The following UNC13C variants were observed in gnomAD, a reference collection of about 807,000 sequenced individuals.
UNC13C encodes the protein protein unc-13 homolog C.
A neutral mutation model predicts 245.4 loss-of-function variants in UNC13C; 174 were observed. The ratio of observed to expected loss-of-function variants is 0.71; its 90% CI spans 0.63 to 0.80. UNC13C has a LOEUF of 0.80. Ranked by LOEUF, UNC13C falls within the 30% of genes least tolerant of loss-of-function variation. The probability of loss-of-function intolerance (pLI) is 0.00; values close to 1 mark genes in which losing one functional copy is unlikely to be tolerated. For missense variants in UNC13C, 2,829 were observed against 2,602.9 expected (o/e 1.09, Z -1.89); for synonymous variants, 992 against 895.1 (o/e 1.11, Z -1.93).
At chr15:54,582,796 A>G (rs1396590469) in intron 30 of UNC13C, among the ~76,000 whole-genome samples, 2 of 152,154 alleles carry the variant, frequency 1.3e-5, no homozygotes, top group Non-Finnish European at 2.9e-5. Flanking sequence ...AAACAGGATA[A>G]TGGTTTTCAG....
At chr15:54,568,740 T>C (rs1897623011) in intron 30 of UNC13C, among the ~76,000 whole-genome samples, 1 of 152,162 alleles carries the variant, frequency 6.6e-6, no homozygotes, top group Admixed American at 6.6e-5. Flanking sequence ...CTAACTTCAT[T>C]CATGAAAGAT....
intron 19 of UNC13C, among the ~76,000 whole-genome samples, chr15:54,455,205 C>CCA (rs1555467351): frequency 3.2e-4 from 6 of 18,964 alleles, no homozygotes; most frequent in African/African-American, 1.1e-3. Flanking sequence ...CTCTCTCTCT[C>CCA]TATATATATA....
At chr15:54,084,159 C>A (rs1483106627) in intron 2 of UNC13C, among the ~76,000 whole-genome samples, 4 of 152,190 alleles carry the variant, frequency 2.6e-5, no homozygotes, top group Non-Finnish European at 5.9e-5. Flanking sequence ...TTTTCTGCAC[C>A]CCAGCTGTCC....
At chr15:54,432,862 A>T (rs2040900082) in intron 19 of UNC13C, among the ~76,000 whole-genome samples, 1 of 151,928 alleles carries the variant, frequency 6.6e-6, no homozygotes, top group Non-Finnish European at 1.5e-5. Context: ...ATGAATGAAG[A>T]AGAAAAGAGA....
At chr15:54,219,206 A>G (rs2035142207) in intron 4 of UNC13C, among the ~76,000 whole-genome samples, 1 of 151,994 alleles carries the variant, frequency 6.6e-6, no homozygotes, top group Non-Finnish European at 1.5e-5. Context: ...CTATACTACA[A>G]GGCTACAGTA....
At chr15:53,940,974 T>A in the UNC13C span, among the ~76,000 whole-genome samples, 74 of 152,268 alleles carry the variant, frequency 4.9e-4, no homozygotes, top group African/African-American at 1.7e-3. Flanking sequence ...AAAATTCATA[T>A]GGAATAAGAG....
chr15:54,002,538 A>G (rs571243022), intron 1 of UNC13C, among the ~76,000 whole-genome samples: 16 of 152,316 alleles, frequency 1.1e-4, no homozygotes, highest in Admixed American at 3.3e-4. Flanking sequence ...TTGCCTTGGT[A>G]TAGGACACTC....
chr15:53,859,624 A>T, the UNC13C span, among the ~76,000 whole-genome samples: 9 of 121,786 alleles, frequency 7.4e-5, no homozygotes, highest in African/African-American at 2.6e-4. Context: ...TAAAATAAGT[A>T]CAGGCATACA....
chr15:54,004,749 A>G (rs114498142), intron 1 of UNC13C, among the ~76,000 whole-genome samples: 2,221 of 152,288 alleles, frequency 0.015, 57 homozygotes, highest in African/African-American at 0.051. Flanking sequence ...GCATCTCTCT[A>G]ATGATCAATG....
At chr15:54,232,739 A>G (rs914872754) in intron 4 of UNC13C, among the ~76,000 whole-genome samples, 1 of 152,160 alleles carries the variant, frequency 6.6e-6, no homozygotes. Context: ...AACATGATTA[A>G]TAGGTACTGT....
chr15:53,998,678 C>T (rs1894745376), intron 1 of UNC13C, among the ~76,000 whole-genome samples: 1 of 152,014 alleles, frequency 6.6e-6, no homozygotes. Flanking sequence ...GTGGATATAC[C>T]AAGCTTAATC....
At chr15:53,864,778 G>A in the UNC13C span, among the ~76,000 whole-genome samples, 1 of 152,142 alleles carries the variant, frequency 6.6e-6, no homozygotes, top group Non-Finnish European at 1.5e-5. Context: ...TGGATAAAAT[G>A]GCATTGGAGA....
intron 19 of UNC13C, among the ~76,000 whole-genome samples, chr15:54,494,083 A>ATC (rs1893843059): frequency 6.6e-6 from 1 of 152,106 alleles, no homozygotes; most frequent in South Asian, 2.1e-4. Context: ...CAGAAATGTG[A>ATC]TCTACTCACT....
At chr15:54,292,120 G>A (rs1212719352) in intron 10 of UNC13C, among the ~76,000 whole-genome samples, 1 of 151,990 alleles carries the variant, frequency 6.6e-6, no homozygotes, top group Admixed American at 6.6e-5. Flanking sequence ...AGGAAGCCTT[G>A]GTGAAGTTCT....
At chr15:54,555,609 C>T (rs919254669) in intron 29 of UNC13C, 97 bp downstream of exon 29, 17 of 884,646 alleles carry the variant, frequency 1.9e-5, no homozygotes, top group East Asian at 8.1e-5. Flanking sequence ...AGTAGAGCTG[C>T]GCCATTCAAA....
intron 1 of UNC13C, among the ~76,000 whole-genome samples, chr15:53,992,523 C>A (rs35228575): frequency 0.015 from 2,243 of 152,110 alleles, 21 homozygotes; most frequent in Non-Finnish European, 0.024. Flanking sequence ...GTGACTTTTG[C>A]AATCTTAGAG....
chr15:54,276,379 C>T (rs1275243171), intron 10 of UNC13C, among the ~76,000 whole-genome samples: 1 of 151,976 alleles, frequency 6.6e-6, no homozygotes, highest in Admixed American at 6.6e-5. Context: ...GTCAGTATTC[C>T]ACTAATTACA....
chr15:54,322,300 T>C (rs1341275863), intron 14 of UNC13C, among the ~76,000 whole-genome samples: 1 of 152,044 alleles, frequency 6.6e-6, no homozygotes, highest in South Asian at 2.1e-4. Context: ...TTAGATTGAA[T>C]CTTCATATCT....
the UNC13C span, among the ~76,000 whole-genome samples, chr15:53,899,405 A>G: frequency 6.6e-6 from 1 of 152,234 alleles, no homozygotes; most frequent in African/African-American, 2.4e-5. Flanking sequence ...CTTGCAAATT[A>G]AACTTCTTGA....
Sources: allele counts gnomAD v4.1 joint callset (sites outside exome capture counted in the v4.1 genomes callset), GRCh38; gene constraint gnomAD v4.1.1; transcripts MANE v1.5; gene names NCBI Gene and HGNC (gene_info 2026-07-23, HGNC 2026-07-21).